The following NQO1 variants were observed in gnomAD, a reference collection of about 807,000 sequenced individuals.
NQO1 encodes the protein NAD(P)H dehydrogenase [quinone] 1.
Under a neutral mutation model 32.1 loss-of-function variants are expected in NQO1, and 30 were observed. The ratio of observed to expected loss-of-function variants is 0.94; its 90% CI spans 0.70 to 1.27. The LOEUF is 1.27. Ranked by LOEUF, NQO1 falls within the 50% of genes most tolerant of loss-of-function variation. NQO1 has a pLI of 0.00. For synonymous variants in NQO1, 109 were observed against 119.7 expected (o/e 0.91, Z 0.59); for missense variants, 276 against 331.3 (o/e 0.83, Z 1.30).
chr16:69,718,083 C>A (rs755628687), intron 3 of NQO1, 40 bp downstream of exon 3: 47 of 1,611,386 alleles, frequency 2.9e-5, no homozygotes, highest in Non-Finnish European at 3.6e-5. Flanking sequence ...ACAATAAGCA[C>A]GCAAATGTCC....
chr16:69,722,352 T>G (rs938524328), intron 1 of NQO1, among the ~76,000 whole-genome samples: 1 of 152,098 alleles, frequency 6.6e-6, no homozygotes, highest in African/African-American at 2.4e-5. Flanking sequence ...TTTGTTTTAG[T>G]AGAGACACCA....
rs2038025100 is a variant in NQO1, at chr16:69,710,552, AG to A, written c.*423del. 1.1e-5 allele frequency: 2 copies of A among 173,994 alleles called. No individual in the cohort carries two copies. The highest frequency in any genetic ancestry group is 4.8e-5 in the African/African-American group (2 of 41,724). 10.8% of individuals were successfully genotyped at this position (173,994 alleles called of 1,614,324 possible). A position where few individuals can be genotyped will look rare whatever the true frequency, so the allele number is the denominator to read the frequency against. On this transcript the variant is annotated 3_prime_UTR_variant, in exon 6 of 6. Transcript: ENST00000320623. ...AACTACCAAACAAGTTAAGTCCCTT[AG>A]GGCAGGTAGATTCAGTCTTTTCCTT...
intron 3 of NQO1, 182 bp downstream of exon 3, chr16:69,717,941 T>C (rs944992678): frequency 1.1e-6 from 1 of 930,346 alleles, no homozygotes; most frequent in African/African-American, 1.7e-5. Context: ...GCAACAGTAA[T>C]ACAGCCAGAT....
At position 69,718,208 on chromosome 16, in the gene NQO1, A is replaced by G; in HGVS notation, c.218T>C (p.Val73Ala). 2 of 1,614,184 alleles carry G rather than the reference A, an allele frequency of 1.2e-6. No individual in the cohort carries two copies. Among genetic ancestry groups the G allele is most frequent in the East Asian group, 4.5e-5 (2 of 44,878 alleles). ...CAGATGGCCTTCTTTATAAGCCAGA[A>G]CAGACTCGGCAGGATACTGAAAGTT... Reference protein sequence around the residue: ...PANFQYPAESVLAYKEGHLSP... With the variant: ...PANFQYPAESALAYKEGHLSP... The change falls in exon 3 of 6, where the codon GTT (valine) becomes GCT (alanine). Residue 73 changes from valine (V) to alanine (A), a missense_variant. By Grantham distance (64) the Val-to-Ala change is moderately conservative (BLOSUM62 0). Transcript: ENST00000320623.
intron 1 of NQO1, among the ~76,000 whole-genome samples, chr16:69,723,605 C>A (rs1043711324): frequency 5.9e-5 from 9 of 151,444 alleles, no homozygotes; most frequent in Non-Finnish European, 1.3e-4. Flanking sequence ...AGAGACCAGC[C>A]TGGTTAACAT....
intron 1 of NQO1, among the ~76,000 whole-genome samples, chr16:69,722,996 C>T (rs539734203): frequency 1.1e-4 from 17 of 152,266 alleles, no homozygotes; most frequent in African/African-American, 4.1e-4. Flanking sequence ...GGCGCGATCT[C>T]GGCTCACTGC....
chr16:69,711,923 G>C (rs2038047335), intron 5 of NQO1, among the ~76,000 whole-genome samples: 1 of 151,772 alleles, frequency 6.6e-6, no homozygotes, highest in African/African-American at 2.4e-5. Flanking sequence ...CAAAGTGCTG[G>C]GATTACAGGC....
At chr16:69,721,079 A>C in intron 1 of NQO1, among the ~76,000 whole-genome samples, 1 of 139,566 alleles carries the variant, frequency 7.2e-6, no homozygotes, top group South Asian at 2.2e-4. Flanking sequence ...GGGATTTGCC[A>C]TGTTGCCCAG....
At chr16:69,721,043 A>T (rs1377782868) in intron 1 of NQO1, among the ~76,000 whole-genome samples, 9 of 137,416 alleles carry the variant, frequency 6.5e-5, no homozygotes, top group Non-Finnish European at 4.7e-5. Context: ...ACCACACCTA[A>T]TTTTTTTTTT....
chr16:69,714,968 A>C lies in NQO1; in HGVS notation c.413T>G (p.Phe138Cys). 1 of 1,610,794 alleles carries C rather than the reference A, an allele frequency of 6.2e-7. No homozygotes were observed. Among genetic ancestry groups the C allele is most frequent in the South Asian group, 1.1e-5 (1 of 91,006 alleles). Residue 138 changes from phenylalanine to cysteine, a missense_variant, in exon 4 of 6, where the codon TTC becomes TGC. By Grantham distance (205) the Phe-to-Cys change is radical (BLOSUM62 -2). Transcript: ENST00000320623. ...CATTCAGAACCATCCACCTACCCGG[A>C]AGGGTCCTTTGTCATACATGGCAGC... is the stretch of plus-strand genomic sequence containing the variant. ...TYAAMYDKGP[F>C]RSKKAVLSIT...
At chr16:69,718,627 C>T (rs953007315) in intron 1 of NQO1, 93 bp from the exon 2 acceptor site, 18 of 1,359,342 alleles carry the variant, frequency 1.3e-5, no homozygotes, top group African/African-American at 8.7e-5. Context: ...AAGGAGGGGG[C>T]GGCTTTGTTT....
intron 5 of NQO1, 34 bp downstream of exon 5, chr16:69,712,994 A>G (rs2038060760): frequency 1.3e-6 from 2 of 1,562,436 alleles, no homozygotes; most frequent in East Asian, 2.2e-5. Flanking sequence ...CTCCGTCTCA[A>G]AGAAAAAAAA....
Position 69,715,008 on chromosome 16 carries a change from ACT to A in NQO1, c.371_372del (p.Glu124ValfsTer10), listed in dbSNP as rs2038094706. Reference sequence around the variant, plus strand: ...TACATGGCAGCGTAAGTGTAAGCAAACTCTCCTATGAACACTCGCTCAAACCA... The same window carrying A: ...TACATGGCAGCGTAAGTGTAAGCAAACTCCTATGAACACTCGCTCAAACCA... ...KGWFERVFIG[E>X]FAYTYAAMYD... On this transcript the variant is annotated frameshift_variant, in exon 4 of 6. Coordinates refer to ENST00000320623, the MANE Select transcript of NQO1 (RefSeq NM_000903.3). LOFTEE classifies it high-confidence loss of function. 1 of 1,613,538 alleles carries A rather than the reference ACT, an allele frequency of 6.2e-7. No individual in the cohort carries two copies. The highest frequency in any genetic ancestry group is 8.5e-7 in the Non-Finnish European group (1 of 1,179,840).
At chr16:69,722,067 C>T (rs570160559) in intron 1 of NQO1, among the ~76,000 whole-genome samples, 10 of 151,696 alleles carry the variant, frequency 6.6e-5, no homozygotes, top group African/African-American at 2.4e-4. Context: ...ACGCTTACCC[C>T]CACAGTTGCT....
Position 69,718,235 on chromosome 16 carries a change from G to C in NQO1, c.191C>G (p.Ala64Gly). 1 of 1,614,090 alleles carries C rather than the reference G, an allele frequency of 6.2e-7. No individual in the cohort carries two copies. ...AGACTCGGCAGGATACTGAAAGTTC[G>C]CAGGGTCCTTCAGTTTACCTGCAGA... ...KDITGKLKDP[A>G]NFQYPAESVL... Residue 64 changes from alanine to glycine, a missense_variant, in exon 3 of 6, where the codon GCG (alanine) becomes GGG (glycine). Coordinates refer to ENST00000320623, the MANE Select transcript of NQO1 (RefSeq NM_000903.3).
At chr16:69,711,811 G>T (rs2038045658) in intron 5 of NQO1, among the ~76,000 whole-genome samples, 2 of 151,936 alleles carry the variant, frequency 1.3e-5, no homozygotes, top group African/African-American at 4.8e-5. Context: ...GCGCCACCAT[G>T]CCCAGATAAT....
Position 69,718,429 on chromosome 16 carries a change from A to G in NQO1, c.113T>C (p.Val38Ala), listed in dbSNP as rs2038144785. ...GTTCATGGCATAGAGGTCCGACTCCACCACCTCCCATCCTTTCTTCTTCAA... is the reference window on the plus strand; with the variant it reads ...GTTCATGGCATAGAGGTCCGACTCCGCCACCTCCCATCCTTTCTTCTTCAA... ...AALKKKGWEV[V>A]ESDLYAMNFN... Residue 38 changes from valine to alanine, a missense_variant, in exon 2 of 6, where the codon GTG (valine) becomes GCG (alanine). By Grantham distance (64) the Val-to-Ala change is moderately conservative (BLOSUM62 0). Transcript: ENST00000320623. The G allele has an allele frequency of 6.2e-7, 1 of 1,614,050 alleles. No individual in the cohort carries two copies. Among genetic ancestry groups the G allele is most frequent in the Non-Finnish European group, 8.5e-7 (1 of 1,180,040 alleles).
At chr16:69,711,406 G>C in intron 5 of NQO1, 125 bp from the exon 6 acceptor site, 1 of 764,552 alleles carries the variant, frequency 1.3e-6, no homozygotes, top group Non-Finnish European at 2.1e-6. Context: ...GCACACTAGA[G>C]AATCAGTTCA....
Position 69,718,135 on chromosome 16 carries a change from A to C in NQO1, c.291T>G (p.Leu97=), listed in dbSNP as rs1470006391. The C allele has an allele frequency of 3.4e-5, 55 of 1,613,886 alleles. No individual in the cohort carries two copies. Among genetic ancestry groups the C allele is most frequent in the Non-Finnish European group, 4.4e-5 (52 of 1,179,892 alleles). The change falls in exon 3 of 6, where the codon CTT becomes CTG. Residue 97 remains leucine (L), a synonymous_variant. Transcript: ENST00000320623. Reference sequence around the variant, plus strand: ...TGTCCCCCCATACCTGGAATATCACAAGGTCTGCGGCTTCCAGCTTCTTTT... The same window carrying C: ...TGTCCCCCCATACCTGGAATATCACCAGGTCTGCGGCTTCCAGCTTCTTTT... ...AEQKKLEAAD[L]VIFQFPLQWF... is the part of the protein sequence containing the mutation.
Sources: allele counts gnomAD v4.1 joint callset (sites outside exome capture counted in the v4.1 genomes callset), GRCh38; gene constraint gnomAD v4.1.1; transcripts MANE v1.5; gene names NCBI Gene and HGNC (gene_info 2026-07-23, HGNC 2026-07-21).